Variants in SPSB1 observed in about 807,000 individuals in gnomAD.
SPSB1 encodes splA/ryanodine receptor domain and SOCS box containing 1.
A neutral mutation model predicts 21.2 loss-of-function variants in SPSB1; 8 were observed. The observed-to-expected ratio is 0.38, with a 90% CI of 0.22 to 0.68. SPSB1 has a LOEUF of 0.68. Among genes scored for constraint, SPSB1 ranks in the 30% least tolerant of loss-of-function variants. SPSB1 has a pLI of 0.53. For missense variants in SPSB1, 242 were observed against 377.8 expected (o/e 0.64, Z 2.98); for synonymous variants, 169 against 161.7 (o/e 1.05, Z -0.34).
In SPSB1 at chr1:9,346,307, G is replaced by A. The variant is rs1640166012; in HGVS notation, c.-149-9436G>A. Among the ~76,000 whole-genome samples, 1 of 152,198 alleles carries A rather than the reference G, an allele frequency of 6.6e-6. No individual in the cohort carries two copies. The highest frequency in any genetic ancestry group is 2.4e-5 in the African/African-American group (1 of 41,444). ...TTTCCCCATCTTGGGGCAAAACAAT[G>A]GTTTTACTGTTCTGGGGTCAGTCGG... On this transcript the variant is annotated intron_variant, in intron 1 of 2. Transcript: ENST00000328089. The surrounding 1 kb of genome is among the most constrained non-coding windows in gnomAD (Gnocchi z 4.4).
chr1:9,331,272 C>T (rs1410405314), intron 1 of SPSB1, among the ~76,000 whole-genome samples: 1 of 83,496 alleles, frequency 1.2e-5, no homozygotes, highest in Non-Finnish European at 2.5e-5. Flanking sequence ...GTGGCCGCAC[C>T]TCTGTCATAA....
At chr1:9,341,310 G>C (rs959659824) in intron 1 of SPSB1, among the ~76,000 whole-genome samples, 4 of 152,326 alleles carry the variant, frequency 2.6e-5, no homozygotes, top group Admixed American at 1.3e-4. Context: ...GGGAGGCAGT[G>C]GGGGAGAGTT....
intron 1 of SPSB1, 90 bp from the exon 2 acceptor site, chr1:9,355,653 C>T: frequency 1.6e-6 from 2 of 1,246,102 alleles, no homozygotes; most frequent in Admixed American, 3.8e-5. Context: ...GCTGCTGGGA[C>T]ATGCTGATGT....
chr1:9,357,539 A>G (rs935980413), intron 2 of SPSB1, among the ~76,000 whole-genome samples: 1 of 152,090 alleles, frequency 6.6e-6, no homozygotes, highest in Non-Finnish European at 1.5e-5. Context: ...GACCTCTCTC[A>G]CTCATTAGAC....
At chr1:9,341,724 C>A (rs762886345) in intron 1 of SPSB1, among the ~76,000 whole-genome samples, 1 of 152,054 alleles carries the variant, frequency 6.6e-6, no homozygotes, top group Admixed American at 6.6e-5. Context: ...TTTTTTGAGA[C>A]GGGGTTTCAC....
chr1:9,336,221 T>C (rs948626182), intron 1 of SPSB1, among the ~76,000 whole-genome samples: 2 of 152,172 alleles, frequency 1.3e-5, no homozygotes, highest in Non-Finnish European at 2.9e-5. Flanking sequence ...ATTTTCTAAT[T>C]TTTCCTCCTG....
chr1:9,356,994 G>A lies in SPSB1; in HGVS notation c.694+409G>A, dbSNP rs1041697885. On this transcript the variant is annotated intron_variant, in intron 2 of 2. Transcript: ENST00000328089. The surrounding 1 kb of genome is among the most constrained non-coding windows in gnomAD (Gnocchi z 7.4). ...TGGATGTGGGTGGATGGGTGGGTAG[G>A]GGGTGGATGAGTGTTTAGATTGATG... 6.6e-6 allele frequency among the ~76,000 whole-genome samples: 1 copy of A among 151,902 alleles called. No homozygotes were observed. Among genetic ancestry groups the A allele is most frequent in the Non-Finnish European group, 1.5e-5 (1 of 67,964 alleles).
intron 1 of SPSB1, among the ~76,000 whole-genome samples, chr1:9,314,235 A>G (rs1639573051): frequency 6.6e-6 from 1 of 151,870 alleles, no homozygotes; most frequent in Non-Finnish European, 1.5e-5. Flanking sequence ...AATACCCCCA[A>G]ATATCCACCT....
intron 1 of SPSB1, among the ~76,000 whole-genome samples, chr1:9,300,837 C>T (rs1639316472): frequency 6.6e-6 from 1 of 152,218 alleles, no homozygotes; most frequent in African/African-American, 2.4e-5. Context: ...CCTTCTCTCT[C>T]CAGCCTGTAT....
At chr1:9,366,763 G>A (rs534755312) in intron 2 of SPSB1, among the ~76,000 whole-genome samples, 6 of 152,180 alleles carry the variant, frequency 3.9e-5, no homozygotes, top group Admixed American at 2.0e-4. Context: ...TAGTAGAGAC[G>A]GGGTTTCACC....
chr1:9,319,137 C>T (rs1438274579), intron 1 of SPSB1, among the ~76,000 whole-genome samples: 3 of 152,034 alleles, frequency 2.0e-5, no homozygotes, highest in African/African-American at 7.2e-5. Context: ...GCCAAGATCA[C>T]ACCACTGCAC....
At chr1:9,358,766 C>T (rs897207514) in intron 2 of SPSB1, among the ~76,000 whole-genome samples, 2 of 152,198 alleles carry the variant, frequency 1.3e-5, no homozygotes, top group African/African-American at 4.8e-5. Flanking sequence ...GAACATGCCC[C>T]CTGATGCTGT....
chr1:9,350,917 C>T (rs971680972), intron 1 of SPSB1, among the ~76,000 whole-genome samples: 4 of 152,198 alleles, frequency 2.6e-5, no homozygotes, highest in East Asian at 1.9e-4. Flanking sequence ...GTGTAGTGCC[C>T]GGTGCTGGAT....
intron 1 of SPSB1, among the ~76,000 whole-genome samples, chr1:9,351,263 T>G (rs1640254703): frequency 1.3e-5 from 2 of 152,238 alleles, no homozygotes; most frequent in Admixed American, 1.3e-4. Context: ...GACCTTAAAC[T>G]TGATCTGCCC....
intron 1 of SPSB1, among the ~76,000 whole-genome samples, chr1:9,307,020 C>T (rs549277498): frequency 3.9e-5 from 6 of 151,932 alleles, no homozygotes; most frequent in Non-Finnish European, 2.9e-5. Flanking sequence ...CTCCGCCTCC[C>T]AGGTTCCAGT....
At chr1:9,352,271 T>C (rs1640272040) in intron 1 of SPSB1, among the ~76,000 whole-genome samples, 8 of 152,168 alleles carry the variant, frequency 5.3e-5, no homozygotes, top group Admixed American at 4.6e-4. Context: ...AGCCGTCCTT[T>C]CTGGTGGCTC....
intron 1 of SPSB1, among the ~76,000 whole-genome samples, chr1:9,350,283 G>C (rs1452708850): frequency 1.3e-5 from 2 of 152,268 alleles, no homozygotes; most frequent in Admixed American, 6.5e-5. Context: ...GCGGACAGGA[G>C]AACTGTCATT....
At chr1:9,337,668 C>T (rs1244079143) in intron 1 of SPSB1, among the ~76,000 whole-genome samples, 3 of 152,222 alleles carry the variant, frequency 2.0e-5, no homozygotes, top group East Asian at 3.8e-4. Flanking sequence ...CTCAGAGCCT[C>T]AGGCCACCCT....
intron 1 of SPSB1, among the ~76,000 whole-genome samples, chr1:9,297,790 A>G (rs892170088): frequency 1.3e-5 from 2 of 152,190 alleles, no homozygotes; most frequent in Admixed American, 6.5e-5. Context: ...ATGTAGAGTT[A>G]GGGATTCAAA....
Sources: allele counts gnomAD v4.1 joint callset (sites outside exome capture counted in the v4.1 genomes callset), GRCh38; gene constraint gnomAD v4.1.1; non-coding constraint Gnocchi (gnomAD v3.1); transcripts MANE v1.5; gene names NCBI Gene and HGNC (gene_info 2026-07-23, HGNC 2026-07-21).